The following UBR2 variants were observed in gnomAD, a reference collection of about 807,000 sequenced individuals.
The protein encoded by UBR2 is E3 ubiquitin-protein ligase UBR2.
A neutral mutation model predicts 247.9 loss-of-function variants in UBR2; 92 were observed. That is an observed-to-expected ratio of 0.37 (90% CI 0.31 to 0.44). The LOEUF is 0.44. Ranked by LOEUF, UBR2 falls within the 20% of genes least tolerant of loss-of-function variation. The pLI, the probability that UBR2 is intolerant of heterozygous loss-of-function variation, is 1.00. For synonymous variants in UBR2, 672 were observed against 693.5 expected, an observed-to-expected ratio of 0.97 and a Z score of 0.49; for missense variants, 1,613 against 2,112.6, an observed-to-expected ratio of 0.76 and a Z score of 4.64.
rs188444136 is a variant in UBR2, at chr6:42,676,735, A to G, written c.4388-48A>G. 5.7e-5 allele frequency: 82 copies of G among 1,433,314 alleles called. No individual in the cohort carries two copies. In the East Asian group the frequency reaches 1.6e-3, roughly 27 times the overall value. The allele number at this position is 1,433,314 out of a possible 1,614,324, so 88.8% of individuals were successfully genotyped here. A position where few individuals can be genotyped will look rare whatever the true frequency, so the allele number is the denominator to read the frequency against. ...GCTTAATGTCTTCAGTCCTTTTGAT[A>G]ACACTTAATTGGAAAATACAGAGTA... On this transcript the variant is annotated intron_variant, in intron 39 of 46. Transcript: ENST00000372901.
At chr6:42,576,221 A>C (rs1791496898) in intron 2 of UBR2, among the ~76,000 whole-genome samples, 1 of 152,060 alleles carries the variant, frequency 6.6e-6, no homozygotes, top group Non-Finnish European at 1.5e-5. Context: ...GTCTCAATGG[A>C]GCTTTATTTT....
chr6:42,689,489 G>C lies in UBR2; in HGVS notation c.5025-80G>C, dbSNP rs748970647. 5.1e-5 allele frequency: 68 copies of C among 1,327,328 alleles called. No individual in the cohort carries two copies. The highest frequency in any genetic ancestry group is 2.0e-4 in the Admixed American group (12 of 59,190). 82.2% of individuals were successfully genotyped at this position (1,327,328 alleles called of 1,614,324 possible). ...AGTGGTTTAAATATCAGTACTATAA[G>C]ACTTCATTCTATTTGGAACTGAATA... On this transcript the variant is annotated intron_variant, in intron 45 of 46. Transcript: ENST00000372901. The surrounding 1 kb of genome is among the most constrained non-coding windows in gnomAD (Gnocchi z 4.0).
chr6:42,647,721 G>A (rs1796861023), intron 21 of UBR2, among the ~76,000 whole-genome samples: 1 of 152,052 alleles, frequency 6.6e-6, no homozygotes. Flanking sequence ...CTGTTGTACT[G>A]AAAATAGACA....
intron 18 of UBR2, 60 bp downstream of exon 18, chr6:42,642,541 C>T: frequency 4.3e-6 from 6 of 1,408,612 alleles, no homozygotes; most frequent in Non-Finnish European, 5.9e-6. Flanking sequence ...CTTGTTATTT[C>T]CATAGAATTC....
intron 13 of UBR2, among the ~76,000 whole-genome samples, chr6:42,635,101 C>G (rs1291059352): frequency 1.3e-5 from 2 of 152,000 alleles, no homozygotes; most frequent in African/African-American, 2.4e-5. Context: ...ACAATTTTTT[C>G]TATAGACCAT....
At chr6:42,619,443 A>ATTTTTTTTTT (rs1378166581) in intron 11 of UBR2, 1 of 29,330 alleles carries the variant, frequency 3.4e-5, no homozygotes, top group Non-Finnish European at 6.6e-5. Flanking sequence ...ATATATATAT[A>ATTTTTTTTTT]TATATATATA....
At chr6:42,599,041 A>G (rs1793181541) in intron 4 of UBR2, among the ~76,000 whole-genome samples, 1 of 152,138 alleles carries the variant, frequency 6.6e-6, no homozygotes, top group African/African-American at 2.4e-5. Flanking sequence ...ATCCTGTCTC[A>G]GCCTCCCAAG....
chr6:42,597,734 T>G (rs1487588301), intron 4 of UBR2, among the ~76,000 whole-genome samples: 1 of 151,716 alleles, frequency 6.6e-6, no homozygotes, highest in East Asian at 1.9e-4. Flanking sequence ...GTCTCGAACA[T>G]GGAGAAACCC....
intron 14 of UBR2, among the ~76,000 whole-genome samples, chr6:42,636,501 G>A (rs919975551): frequency 6.6e-6 from 1 of 151,942 alleles, no homozygotes; most frequent in Non-Finnish European, 1.5e-5. Context: ...GAATTGAAGT[G>A]GGAAGCCTTT....
In UBR2 at chr6:42,640,194, T is replaced by C; in HGVS notation, c.1859-15T>C. 1 of 1,596,986 alleles carries C rather than the reference T, an allele frequency of 6.3e-7. No individual in the cohort carries two copies. The highest frequency in any genetic ancestry group is 8.5e-7 in the Non-Finnish European group (1 of 1,173,974). ...ACTGATAGAAATACTGTTTTTTGTTTGTTCTTTCATGCAGGTTTACATGTA... is the reference window on the plus strand; with the variant it reads ...ACTGATAGAAATACTGTTTTTTGTTCGTTCTTTCATGCAGGTTTACATGTA... On this transcript the variant is annotated splice_polypyrimidine_tract_variant and intron_variant, in intron 15 of 46. Transcript: ENST00000372901.
In UBR2 at chr6:42,617,092, A is replaced by T; in HGVS notation, c.1183-317A>T. On this transcript the variant is annotated intron_variant, in intron 10 of 46. Coordinates refer to ENST00000372901, the MANE Select transcript of UBR2 (RefSeq NM_001363705.2). ...CAGTTTCCATAGTGAATCAATATCT[A>T]TACAGGATTCTATTGGTAGAAATCA... 4 of 674,178 alleles carry T rather than the reference A, an allele frequency of 5.9e-6. No individual in the cohort carries two copies. The South Asian group carries it at 7.2e-5, about 12-fold the overall frequency. 41.8% of individuals were successfully genotyped at this position (674,178 alleles called of 1,614,324 possible). A position where few individuals can be genotyped will look rare whatever the true frequency, so the allele number is the denominator to read the frequency against.
chr6:42,642,112 G>T (rs536710323), intron 17 of UBR2, among the ~76,000 whole-genome samples: 34 of 151,988 alleles, frequency 2.2e-4, no homozygotes, highest in African/African-American at 8.0e-4. Flanking sequence ...CATTTGGGGT[G>T]GTATAGCCAT....
chr6:42,587,985 A>G (rs1237921899), intron 2 of UBR2, among the ~76,000 whole-genome samples: 1 of 152,118 alleles, frequency 6.6e-6, no homozygotes, highest in Non-Finnish European at 1.5e-5. Context: ...CCAACTCTGA[A>G]TATTGGCTGG....
At position 42,661,785 on chromosome 6, in the gene UBR2, C is replaced by A. The variant is rs114281368; in HGVS notation, c.3443-399C>A. Among the ~76,000 whole-genome samples, 1,231 of 152,276 alleles carry A rather than the reference C, an allele frequency of 8.1e-3. 13 individuals are homozygous for A. Among genetic ancestry groups the A allele is most frequent in the African/African-American group, 0.029 (1,195 of 41,536 alleles). On this transcript the variant is annotated intron_variant, in intron 30 of 46. Transcript: ENST00000372901. ...TGCCAAAACATTTTTTATTAGCGAT[C>A]ATTTTAACCCAGCTGCCCTGAACGC...
intron 8 of UBR2, among the ~76,000 whole-genome samples, chr6:42,613,707 C>T (rs1794236220): frequency 6.6e-6 from 1 of 152,036 alleles, no homozygotes; most frequent in Non-Finnish European, 1.5e-5. Context: ...TAATGTCCTG[C>T]TGAAAATTTT....
intron 2 of UBR2, among the ~76,000 whole-genome samples, chr6:42,589,022 C>A (rs1055877145): frequency 1.3e-5 from 2 of 152,020 alleles, no homozygotes; most frequent in Admixed American, 6.5e-5. Flanking sequence ...ATAGAGTTAT[C>A]CAGGCTGGAG....
chr6:42,642,592 G>A (rs1238837517), intron 18 of UBR2, 111 bp downstream of exon 18: 2 of 836,412 alleles, frequency 2.4e-6, no homozygotes, highest in Non-Finnish European at 3.9e-6. Flanking sequence ...CTCCAGCCTA[G>A]CCCTGTCTCC....
chr6:42,606,335 A>T (rs1793697723), intron 6 of UBR2, among the ~76,000 whole-genome samples: 1 of 152,208 alleles, frequency 6.6e-6, no homozygotes, highest in Admixed American at 6.5e-5. Flanking sequence ...GAGAACATAT[A>T]GTTATTAAAA....
At chr6:42,640,412 G>GATACA in intron 16 of UBR2, 142 bp downstream of exon 16, 1 of 522,684 alleles carries the variant, frequency 1.9e-6, no homozygotes. Context: ...GTGTGTGTGT[G>GATACA]TGTGTGTGTG....
Sources: allele counts gnomAD v4.1 joint callset (sites outside exome capture counted in the v4.1 genomes callset), GRCh38; gene constraint gnomAD v4.1.1; non-coding constraint Gnocchi (gnomAD v3.1); transcripts MANE v1.5; gene names NCBI Gene and HGNC (gene_info 2026-07-23, HGNC 2026-07-21).